NFIC: variants seen among roughly 807,000 people sequenced by gnomAD.
NFIC encodes the protein nuclear factor 1 C-type.
A neutral mutation model predicts 54.4 loss-of-function variants in NFIC; 12 were observed. The ratio of observed to expected loss-of-function variants is 0.22; its 90% CI spans 0.14 to 0.36. The LOEUF is 0.36. Ranked by LOEUF, NFIC falls within the 10% of genes least tolerant of loss-of-function variation. NFIC has a pLI of 1.00. For synonymous variants in NFIC, 322 were observed against 319.2 expected (o/e 1.01, Z -0.09); for missense variants, 575 against 718.2 (o/e 0.80, Z 2.28).
Position 3,429,251 on chromosome 19 carries a change from T to TACACACACAC in NFIC, c.634+4075_634+4076insCACACACACA, listed in dbSNP as rs1223236383. Among the ~76,000 whole-genome samples, 41 of 27,586 alleles carry TACACACACAC rather than the reference T, an allele frequency of 1.5e-3. 3 individuals are homozygous for TACACACACAC. Among genetic ancestry groups the TACACACACAC allele is most frequent in the African/African-American group, 1.8e-3 (14 of 7,724 alleles). The allele number at this position is 27,586 out of a possible 152,430, so 18.1% of individuals were successfully genotyped here. A position where few individuals can be genotyped will look rare whatever the true frequency, so the allele number is the denominator to read the frequency against. ...TACCCCAAAAAAAAAAAAAAAAATA[T>TACACACACAC]ATACACACACACACACACACACACA... is the stretch of plus-strand genomic sequence containing the variant. On this transcript the variant is annotated intron_variant, in intron 3 of 10. Coordinates refer to ENST00000443272, the MANE Select transcript of NFIC (RefSeq NM_001245002.2).
intron 2 of NFIC, among the ~76,000 whole-genome samples, chr19:3,397,809 C>T (rs903465060): frequency 6.6e-6 from 1 of 152,216 alleles, no homozygotes; most frequent in Non-Finnish European, 1.5e-5. Context: ...GGGGAGGCTG[C>T]GTCCACTCCC....
In NFIC at chr19:3,462,868, G is replaced by A; in HGVS notation, c.*99G>A. ...CACGTTTTCGGTGGAAAATTAGAGT[G>A]AACAAGAACACCCCTGCCGACTCCC... On this transcript the variant is annotated 3_prime_UTR_variant, in exon 11 of 11. Coordinates refer to ENST00000443272, the MANE Select transcript of NFIC (RefSeq NM_001245002.2). 1 of 1,602,734 alleles carries A rather than the reference G, an allele frequency of 6.2e-7. No homozygotes were observed.
At chr19:3,462,465 A>G (rs939351318) in intron 10 of NFIC, among the ~76,000 whole-genome samples, 1 of 152,202 alleles carries the variant, frequency 6.6e-6, no homozygotes, top group African/African-American at 2.4e-5. Flanking sequence ...TATATCCCCA[A>G]TGTTGCGTGG....
intron 1 of NFIC, among the ~76,000 whole-genome samples, chr19:3,367,741 G>C (rs994965718): frequency 3.9e-5 from 6 of 152,224 alleles, no homozygotes; most frequent in Non-Finnish European, 7.3e-5. Flanking sequence ...GGCTAAGGCC[G>C]GTTCTGGAGA....
At chr19:3,393,318 G>T (rs985865963) in intron 2 of NFIC, among the ~76,000 whole-genome samples, 1 of 152,174 alleles carries the variant, frequency 6.6e-6, no homozygotes, top group African/African-American at 2.4e-5. Flanking sequence ...CAGGGCAGAA[G>T]ATCTGCCGGA....
intron 2 of NFIC, among the ~76,000 whole-genome samples, chr19:3,414,525 G>A (rs1414543875): frequency 1.3e-5 from 2 of 151,904 alleles, no homozygotes; most frequent in Admixed American, 1.3e-4. Flanking sequence ...AACCCGGGAG[G>A]TGGAGGTTGC....
At chr19:3,439,307 C>T (rs751654137) in intron 6 of NFIC, among the ~76,000 whole-genome samples, 4 of 126,284 alleles carry the variant, frequency 3.2e-5, no homozygotes, top group African/African-American at 6.1e-5. Flanking sequence ...GCACTCCATC[C>T]GGGGCAACAG....
intron 3 of NFIC, among the ~76,000 whole-genome samples, chr19:3,432,170 C>T (rs953640119): frequency 1.3e-5 from 2 of 152,136 alleles, no homozygotes; most frequent in African/African-American, 4.8e-5. Context: ...CCAAGGCTCC[C>T]GACCTCTCGG....
Position 3,459,818 on chromosome 19 carries a change from C to T in NFIC, c.1510-2934C>T, listed in dbSNP as rs1270627818. ...GCTGGAGGTGGGGCGCTGGGAACCA[C>T]TGTGGCGCCAGTTCCATGGGCTGGC... On this transcript the variant is annotated intron_variant, in intron 10 of 10. Coordinates refer to ENST00000443272, the MANE Select transcript of NFIC (RefSeq NM_001245002.2). The surrounding 1 kb of genome is among the most constrained non-coding windows in gnomAD (Gnocchi z 4.2). Among the ~76,000 whole-genome samples the T allele has an allele frequency of 6.6e-6, 1 of 152,264 alleles. No individual in the cohort carries two copies. The highest frequency in any genetic ancestry group is 1.5e-5 in the Non-Finnish European group (1 of 68,048).
At chr19:3,424,896 G>T (rs1226722416) in intron 2 of NFIC, among the ~76,000 whole-genome samples, 1 of 152,166 alleles carries the variant, frequency 6.6e-6, no homozygotes, top group Non-Finnish European at 1.5e-5. Flanking sequence ...GTGTCTGCAG[G>T]GTGCCTGGCC....
Position 3,459,864 on chromosome 19 carries a change from G to C in NFIC, c.1510-2888G>C, listed in dbSNP as rs2082615109. ...CTGGCCCAGTGGCTGCCTGGTTGGA[G>C]GGGCTCTGTTGAATGATTTGCTGCA... On this transcript the variant is annotated intron_variant, in intron 10 of 10. Coordinates refer to ENST00000443272, the MANE Select transcript of NFIC (RefSeq NM_001245002.2). This position sits in a 1 kb window ranked among gnomAD's most constrained non-coding sequence, Gnocchi z 4.2. 6.6e-6 allele frequency among the ~76,000 whole-genome samples: 1 copy of C among 152,234 alleles called. No homozygotes were observed. Among genetic ancestry groups the C allele is most frequent in the Non-Finnish European group, 1.5e-5 (1 of 68,030 alleles).
At chr19:3,408,003 G>A (rs560932322) in intron 2 of NFIC, among the ~76,000 whole-genome samples, 87 of 152,294 alleles carry the variant, frequency 5.7e-4, no homozygotes, top group African/African-American at 1.9e-3. Context: ...AAAAATGGCC[G>A]GTGACACCCA....
rs2082731708 is a variant in NFIC, at chr19:3,467,517, GACCT to G, written c.*4749_*4752del. 1 of 151,336 alleles carries G rather than the reference GACCT, an allele frequency of 6.6e-6. No homozygotes were observed. The highest frequency in any genetic ancestry group is 1.5e-5 in the Non-Finnish European group (1 of 67,894). 9.4% of individuals were successfully genotyped at this position (151,336 alleles called of 1,614,324 possible). ...GGTTGGGAGAGCCGCTTAGGGGCCAGACCTGGGTCCCCCTGCAGGTCCCCAGGCA... is the reference window on the plus strand; with the variant it reads ...GGTTGGGAGAGCCGCTTAGGGGCCAGGGGTCCCCCTGCAGGTCCCCAGGCA... On this transcript the variant is annotated 3_prime_UTR_variant, in exon 11 of 11. Coordinates refer to ENST00000443272, the MANE Select transcript of NFIC (RefSeq NM_001245002.2).
intron 2 of NFIC, among the ~76,000 whole-genome samples, chr19:3,401,687 C>G (rs1599619578): frequency 1.3e-5 from 2 of 152,112 alleles, no homozygotes; most frequent in Admixed American, 1.3e-4. Context: ...CCAGCCCTAA[C>G]CCAGGTACGC....
intron 9 of NFIC, 91 bp from the exon 10 acceptor site, chr19:3,456,459 G>T (rs543436858): frequency 2.4e-6 from 3 of 1,262,176 alleles, no homozygotes; most frequent in Non-Finnish European, 3.3e-6. Context: ...GCTGTGTGAC[G>T]CCTGGCGGTG....
chr19:3,372,712 T>G (rs12974538), intron 1 of NFIC, among the ~76,000 whole-genome samples: 76,323 of 123,112 alleles, frequency 0.62, 23,780 homozygotes, highest in Middle Eastern at 0.75. Flanking sequence ...AGGAGTGGGG[T>G]GGGGGGGTGC....
chr19:3,406,722 G>A (rs1162858848), intron 2 of NFIC, among the ~76,000 whole-genome samples: 1 of 152,032 alleles, frequency 6.6e-6, no homozygotes, highest in African/African-American at 2.4e-5. Context: ...GGACACACAC[G>A]GGAACCCTGT....
chr19:3,458,377 G>A lies in NFIC; in HGVS notation c.1509+1742G>A, dbSNP rs1050972726. Among the ~76,000 whole-genome samples the A allele has an allele frequency of 6.6e-6, 1 of 152,134 alleles. No homozygotes were observed. Among genetic ancestry groups the A allele is most frequent in the Non-Finnish European group, 1.5e-5 (1 of 68,020 alleles). On this transcript the variant is annotated intron_variant, in intron 10 of 10. Coordinates refer to ENST00000443272, the MANE Select transcript of NFIC (RefSeq NM_001245002.2). The surrounding 1 kb of genome is among the most constrained non-coding windows in gnomAD (Gnocchi z 4.1). Reference sequence around the variant, plus strand: ...AGAAACCAAAGCTAATAAAAGCTGCGGTGGGAGGAGGCCCAGCCCGCTTAA... The same window carrying A: ...AGAAACCAAAGCTAATAAAAGCTGCAGTGGGAGGAGGCCCAGCCCGCTTAA...
At chr19:3,380,421 G>A (rs570364748) in intron 1 of NFIC, among the ~76,000 whole-genome samples, 2 of 143,744 alleles carry the variant, frequency 1.4e-5, no homozygotes, top group Admixed American at 7.2e-5. Context: ...TGCCTCCCAG[G>A]TTCAAGCGAT....
Sources: gnomAD v4.1 joint callset for allele counts (sites outside exome capture counted in the v4.1 genomes callset) on GRCh38, gnomAD v4.1.1 for gene constraint, Gnocchi (gnomAD v3.1) non-coding constraint, MANE v1.5 for transcripts, NCBI Gene and HGNC (gene_info 2026-07-23, HGNC 2026-07-21) for gene names.